The following PDE1A variants were observed in gnomAD, a reference collection of about 807,000 sequenced individuals.
PDE1A encodes dual specificity calcium/calmodulin-dependent 3',5'-cyclic nucleotide phosphodiesterase 1A.
PDE1A carries 35 observed loss-of-function variants against 61.7 expected under a neutral mutation model. The ratio of observed to expected loss-of-function variants is 0.57; its 90% CI spans 0.43 to 0.75. The LOEUF is 0.75. PDE1A is among the 30% of genes least tolerant of loss of function. The pLI is 0.00. For missense variants in PDE1A, 597 were observed against 630.6 expected, an observed-to-expected ratio of 0.95 and a Z score of 0.57; for synonymous variants, 232 against 213.2, an observed-to-expected ratio of 1.09 and a Z score of -0.77.
intron 2 of PDE1A, among the ~76,000 whole-genome samples, chr2:182,483,865 TA>T (rs929071238): frequency 2.6e-5 from 4 of 151,914 alleles, no homozygotes; most frequent in African/African-American, 9.7e-5. Context: ...AAAACTATTT[TA>T]CCTGTAGCTA....
chr2:182,707,859 T>C, the PDE1A span, among the ~76,000 whole-genome samples: 1 of 152,042 alleles, frequency 6.6e-6, no homozygotes, highest in Non-Finnish European at 1.5e-5. Flanking sequence ...CTGGAAAGGG[T>C]AGCAGGGAGG....
chr2:182,206,884 T>TTCC (rs1170745464), intron 7 of PDE1A, among the ~76,000 whole-genome samples: 2 of 152,186 alleles, frequency 1.3e-5, no homozygotes, highest in African/African-American at 4.8e-5. Flanking sequence ...ATGTGCTTAC[T>TTCC]TCCTCTTCAC....
At chr2:182,697,265 C>A in the PDE1A span, among the ~76,000 whole-genome samples, 1 of 152,164 alleles carries the variant, frequency 6.6e-6, no homozygotes, top group Non-Finnish European at 1.5e-5. Context: ...GTCTCACACA[C>A]CAAAGTTTGC....
rs369201463 is a variant in PDE1A, at chr2:182,202,007, C to T, written c.903-218G>A. Among the ~76,000 whole-genome samples, 46 of 152,334 alleles carry T rather than the reference C, an allele frequency of 3.0e-4. No homozygotes were observed. The South Asian group carries it at 8.5e-3, about 28-fold the overall frequency. ...AAGTTGCCAGCAGCGAGAATGGCAACGATGTTCACACCTCCCTGAAGAGCT... is the reference window on the plus strand; with the variant it reads ...AAGTTGCCAGCAGCGAGAATGGCAATGATGTTCACACCTCCCTGAAGAGCT... On this transcript the variant is annotated intron_variant, in intron 8 of 13. Transcript: ENST00000351439.
At chr2:182,669,625 A>G in the PDE1A span, among the ~76,000 whole-genome samples, 1 of 152,166 alleles carries the variant, frequency 6.6e-6, no homozygotes, top group Non-Finnish European at 1.5e-5. Context: ...TGAACTCCCC[A>G]TCACTCATAT....
chr2:182,229,865 C>CCAAAAAAAAAAAAAAAA, intron 6 of PDE1A, 141 bp downstream of exon 6: 1 of 512,648 alleles, frequency 2.0e-6, no homozygotes, highest in Non-Finnish European at 3.2e-6. Flanking sequence ...CATTAAGCTT[C>CCAAAAAAAAAAAAAAAA]AAAAATCCAA....
chr2:182,601,250 G>A, the PDE1A span, among the ~76,000 whole-genome samples: 1 of 152,222 alleles, frequency 6.6e-6, no homozygotes, highest in East Asian at 1.9e-4. Context: ...ACTGGCTGCT[G>A]CAGTGTGGCA....
the PDE1A span, among the ~76,000 whole-genome samples, chr2:182,683,046 T>C: frequency 4.6e-5 from 7 of 152,154 alleles, no homozygotes; most frequent in East Asian, 5.8e-4. Flanking sequence ...ATGAATTGCA[T>C]TGGAATATAT....
the PDE1A span, among the ~76,000 whole-genome samples, chr2:182,532,958 A>C: frequency 1.3e-5 from 2 of 149,236 alleles, no homozygotes; most frequent in African/African-American, 4.9e-5. Context: ...AAAAAAAAAA[A>C]AAAAAAAAAA....
chr2:182,157,589 T>G (rs544012412), intron 13 of PDE1A, among the ~76,000 whole-genome samples: 154 of 152,292 alleles, frequency 1.0e-3, no homozygotes, highest in Non-Finnish European at 1.7e-3. Context: ...AAAGTAAGTT[T>G]CCTTTGATTT....
chr2:182,715,071 T>C, the PDE1A span, among the ~76,000 whole-genome samples: 1 of 152,164 alleles, frequency 6.6e-6, no homozygotes, highest in Non-Finnish European at 1.5e-5. Flanking sequence ...CCCTGCTTCA[T>C]CTTCCAGTTT....
In PDE1A at chr2:182,254,124, G is replaced by A. The variant is rs1691604351; in HGVS notation, c.167+10177C>T. Among the ~76,000 whole-genome samples the A allele has an allele frequency of 2.0e-5, 3 of 152,110 alleles. No individual in the cohort carries two copies. The South Asian group carries it at 6.2e-4, about 32-fold the overall frequency. ...TTCAACACATAGAGCTTTTTTGTTA[G>A]TCATTTCTCAAAAGATCTGGTCAGG... On this transcript the variant is annotated intron_variant, in intron 2 of 13. Transcript: ENST00000351439.
intron 1 of PDE1A, among the ~76,000 whole-genome samples, chr2:182,374,267 G>T (rs1204652993): frequency 6.6e-6 from 1 of 151,894 alleles, no homozygotes; most frequent in Non-Finnish European, 1.5e-5. Context: ...ATGAACACTT[G>T]AATATTCATA....
the PDE1A span, among the ~76,000 whole-genome samples, chr2:182,652,629 C>G: frequency 6.6e-6 from 1 of 152,116 alleles, no homozygotes; most frequent in Non-Finnish European, 1.5e-5. Context: ...CCCCTGGTAC[C>G]ATTGAGACCC....
the PDE1A span, among the ~76,000 whole-genome samples, chr2:182,699,893 A>G: frequency 6.6e-6 from 1 of 152,198 alleles, no homozygotes; most frequent in Non-Finnish European, 1.5e-5. Flanking sequence ...CCAGAGTTAA[A>G]TTGGCATAGC....
At chr2:182,496,751 G>T (rs1688741042) in intron 2 of PDE1A, among the ~76,000 whole-genome samples, 1 of 152,222 alleles carries the variant, frequency 6.6e-6, no homozygotes, top group Non-Finnish European at 1.5e-5. Context: ...AGAGGCAGCG[G>T]ACTGATAGCA....
intron 1 of PDE1A, among the ~76,000 whole-genome samples, chr2:182,348,097 T>A (rs1344376210): frequency 6.6e-6 from 1 of 152,188 alleles, no homozygotes; most frequent in Non-Finnish European, 1.5e-5. Context: ...CCAGCCAGCA[T>A]TTTTGTCATT....
chr2:182,591,877 G>A, the PDE1A span, among the ~76,000 whole-genome samples: 1 of 152,154 alleles, frequency 6.6e-6, no homozygotes, highest in Non-Finnish European at 1.5e-5. Flanking sequence ...CATTCCACCA[G>A]TGAAGAATCA....
the PDE1A span, among the ~76,000 whole-genome samples, chr2:182,609,874 G>C: frequency 6.6e-6 from 1 of 152,260 alleles, no homozygotes; most frequent in Admixed American, 6.5e-5. Context: ...GATCATCTGT[G>C]GTCAGGAGTT....
Sources: allele counts gnomAD v4.1 joint callset (sites outside exome capture counted in the v4.1 genomes callset), GRCh38; gene constraint gnomAD v4.1.1; transcripts MANE v1.5; gene names NCBI Gene and HGNC (gene_info 2026-07-23, HGNC 2026-07-21).